Variants in ZZEF1 observed in about 807,000 individuals in gnomAD.
The protein encoded by ZZEF1 is zinc finger ZZ-type and EF-hand domain-containing protein 1.
A neutral mutation model predicts 342.8 loss-of-function variants in ZZEF1; 157 were observed. The observed-to-expected ratio is 0.46, with a 90% CI of 0.40 to 0.52. ZZEF1 has a LOEUF of 0.52. ZZEF1 is among the 20% of genes least tolerant of loss of function. ZZEF1 has a pLI of 0.00. For missense variants in ZZEF1, 3,480 were observed against 3,725.6 expected (o/e 0.93, Z 1.72); for synonymous variants, 1,505 against 1,429.1 (o/e 1.05, Z -1.20).
intron 1 of ZZEF1, among the ~76,000 whole-genome samples, chr17:4,133,863 C>A (rs2058707816): frequency 6.6e-6 from 1 of 151,842 alleles, no homozygotes; most frequent in Non-Finnish European, 1.5e-5. Context: ...CTGGGACATG[C>A]TCAGCTAGTT....
In ZZEF1 at chr17:4,032,959, G is replaced by C; in HGVS notation, c.6628C>G (p.Arg2210Gly). 1 of 1,603,892 alleles carries C rather than the reference G, an allele frequency of 6.2e-7. No individual in the cohort carries two copies. Among genetic ancestry groups the C allele is most frequent in the South Asian group, 1.1e-5 (1 of 89,492 alleles). ...CACAGTGGGGCACTGTTGAGTGACC[G>C]CAGGATCTCTGCCATGGAGCACGCC... Reference protein sequence around the residue: ...DWACSMAEILRSLNSAPLWRD... With the variant: ...DWACSMAEILGSLNSAPLWRD... The change falls in exon 41 of 55, where the codon CGG (arginine) becomes GGG (glycine). Residue 2210 changes from arginine to glycine, a missense_variant. By Grantham distance (125) the Arg-to-Gly change is moderately radical. This residue lies in a region of ZZEF1 where 1,269 missense variants were observed against 1,342.4 expected (regional missense o/e 0.95). Transcript: ENST00000381638.
chr17:4,029,710 C>A (rs1022618260), intron 42 of ZZEF1, among the ~76,000 whole-genome samples: 1 of 151,674 alleles, frequency 6.6e-6, no homozygotes, highest in Admixed American at 6.6e-5. Flanking sequence ...CCTGTCTCTA[C>A]TAAAAATACA....
At chr17:4,044,120 T>C (rs750128104) in intron 38 of ZZEF1, 104 bp downstream of exon 38, 4 of 1,295,742 alleles carry the variant, frequency 3.1e-6, no homozygotes, top group Non-Finnish European at 4.3e-6. Flanking sequence ...CACGCACCCC[T>C]GGCGTCTAGC....
chr17:4,064,064 G>GT (rs1030104294), intron 29 of ZZEF1, among the ~76,000 whole-genome samples: 1 of 98,278 alleles, frequency 1.0e-5, no homozygotes, highest in African/African-American at 5.1e-5. Flanking sequence ...TGTAGATGGA[G>GT]GGGGGGGGGT....
rs1479122239 is a variant in ZZEF1 at position 4,095,963 on chromosome 17, A to G, written c.1781T>C (p.Ile594Thr). ...AAACACCAACCCACACTGGGCACCA[A>G]TGCCACCACGTCGAACCTGGAAACA... ...QIRIMVRRGGIGAQCGLVFAY... is the reference protein window; with the variant it reads ...QIRIMVRRGGTGAQCGLVFAY... The change falls in exon 11 of 55, where the codon ATT (isoleucine) becomes ACT (threonine). Residue 594 changes from isoleucine to threonine, a missense_variant. By Grantham distance (89) the Ile-to-Thr change is moderately conservative. Transcript: ENST00000381638. 6.2e-7 allele frequency: 1 copy of G among 1,611,558 alleles called. No individual in the cohort carries two copies.
chr17:4,007,916 C>T (rs1003569369), intron 54 of ZZEF1, among the ~76,000 whole-genome samples: 10 of 151,868 alleles, frequency 6.6e-5, no homozygotes, highest in African/African-American at 2.2e-4. Context: ...TGTCCACCCA[C>T]GGGTAACCCT....
Position 4,017,655 on chromosome 17 carries a change from T to G in ZZEF1, c.7717A>C (p.Ser2573Arg). ...VTQKLISSTE[S>R]ELQQSYAKQR... is the part of the protein sequence containing the mutation. The stretch of plus-strand genomic sequence containing the variant: ...TTGGCATAGCTCTGCTGCAGTTCGC[T>G]CTCTGTGCTGGAGATCAGCTTCTGG... The change falls in exon 48 of 55, where the codon AGC (serine) becomes CGC (arginine). Residue 2573 changes from serine (S) to arginine (R), a missense_variant. Physicochemically the swap from Ser to Arg is moderately radical, Grantham distance 110. Transcript: ENST00000381638. This position sits in a 1 kb window ranked among gnomAD's most constrained non-coding sequence, Gnocchi z 5.1. 1 of 1,614,088 alleles carries G rather than the reference T, an allele frequency of 6.2e-7. No individual in the cohort carries two copies. Among genetic ancestry groups the G allele is most frequent in the East Asian group, 2.2e-5 (1 of 44,884 alleles).
intron 37 of ZZEF1, 117 bp from the exon 38 acceptor site, chr17:4,044,491 A>G (rs373200889): frequency 1.2e-4 from 104 of 855,454 alleles, no homozygotes; most frequent in East Asian, 1.1e-3. Flanking sequence ...TTTGAATGCC[A>G]TTAGAAAATG....
chr17:4,067,464 A>G (rs2057422909), intron 26 of ZZEF1, among the ~76,000 whole-genome samples: 1 of 152,214 alleles, frequency 6.6e-6, no homozygotes, highest in Admixed American at 6.5e-5. Flanking sequence ...TCAAACTAAT[A>G]ATTTCTAAAA....
chr17:4,099,167 T>A (rs954588318), intron 9 of ZZEF1, among the ~76,000 whole-genome samples: 4 of 151,834 alleles, frequency 2.6e-5, no homozygotes, highest in South Asian at 2.1e-4. Context: ...AAAAAAAAAA[T>A]AAAACTTCTG....
At position 4,006,831 on chromosome 17, in the gene ZZEF1, A is replaced by G. The variant is rs62072392; in HGVS notation, c.*59T>C. 267,912 of 1,522,256 alleles carry G rather than the reference A, an allele frequency of 0.18. 24,744 individuals are homozygous for G. The highest frequency in any genetic ancestry group is 0.21 in the South Asian group (17,481 of 83,496). 94.3% of individuals were successfully genotyped at this position (1,522,256 alleles called of 1,614,324 possible). On this transcript the variant is annotated 3_prime_UTR_variant, in exon 55 of 55. Transcript: ENST00000381638. The stretch of plus-strand genomic sequence containing the variant: ...CAGGAGTTTTCCTGAATGAGGTTAG[A>G]TGTCTGCTCTAAAATCCCTGTGGCA...
intron 44 of ZZEF1, among the ~76,000 whole-genome samples, chr17:4,022,187 A>G (rs1323641511): frequency 6.6e-6 from 1 of 152,172 alleles, no homozygotes; most frequent in Non-Finnish European, 1.5e-5. Flanking sequence ...CTGGGCCTGA[A>G]TGGCCGCTCA....
intron 1 of ZZEF1, among the ~76,000 whole-genome samples, chr17:4,141,455 A>G (rs953744986): frequency 2.6e-5 from 4 of 152,202 alleles, no homozygotes; most frequent in African/African-American, 7.2e-5. Flanking sequence ...TTTTCACAAA[A>G]TAAGTACCTT....
rs376657023 is a variant in ZZEF1 at position 4,039,737 on chromosome 17, G to A, written c.6306+2692C>T. ...CGGCTCACTGCAACCTCCGCCTCCC[G>A]GGTTCACGCCATTCTCCTGCCTCAG... is the stretch of plus-strand genomic sequence containing the variant. On this transcript the variant is annotated intron_variant, in intron 39 of 54. Transcript: ENST00000381638. Among the ~76,000 whole-genome samples, 74 of 144,174 alleles carry A rather than the reference G, an allele frequency of 5.1e-4. No homozygotes were observed. In the South Asian group the frequency reaches 9.7e-3, roughly 19 times the overall value. The allele number at this position is 144,174 out of a possible 152,430, so 94.6% of individuals were successfully genotyped here. A position where few individuals can be genotyped will look rare whatever the true frequency, so the allele number is the denominator to read the frequency against.
intron 9 of ZZEF1, among the ~76,000 whole-genome samples, chr17:4,098,035 C>T (rs905021056): frequency 1.1e-4 from 16 of 151,104 alleles, no homozygotes; most frequent in African/African-American, 3.4e-4. Context: ...GTCAGGAGTT[C>T]GAGACGAGCC....
In ZZEF1 at chr17:4,019,742, G is replaced by A. The variant is rs1393565860; in HGVS notation, c.7432C>T (p.Leu2478=). 3 of 1,610,590 alleles carry A rather than the reference G, an allele frequency of 1.9e-6. No homozygotes were observed. Among genetic ancestry groups the A allele is most frequent in the Non-Finnish European group, 2.5e-6 (3 of 1,179,186 alleles). The change falls in exon 46 of 55, where the codon CTG becomes TTG. Residue 2478 remains leucine (L), a synonymous_variant. Transcript: ENST00000381638. ...LMAHDALNAP[L]HILRAIYELQ... ...TCGTATATGGCCCGGAGAATGTGCAGAGGGGCATTGAGGGCATCATGAGCC... is the reference window on the plus strand; with the variant it reads ...TCGTATATGGCCCGGAGAATGTGCAAAGGGGCATTGAGGGCATCATGAGCC...
chr17:4,105,718 C>G lies in ZZEF1; in HGVS notation c.1369G>C (p.Asp457His). Residue 457 changes from aspartate to histidine, a missense_variant, in exon 7 of 55, where the codon GAC becomes CAC. Around this residue, in one of 5 missense-constraint regions of ZZEF1, gnomAD observed 1,528 missense variants for 1,624.1 expected, o/e 0.94. Transcript: ENST00000381638. ...FLSPNVLEEV[D>H]SFLIRITSCC... ...CTAGTTATCCTTATGAGGAAACTGT[C>G]CACTTCTTCCAGCACATTAGGGGAG... The G allele has an allele frequency of 6.2e-7, 1 of 1,613,318 alleles. No homozygotes were observed. Among genetic ancestry groups the G allele is most frequent in the Non-Finnish European group, 8.5e-7 (1 of 1,179,648 alleles).
chr17:4,017,564 A>G lies in ZZEF1; in HGVS notation c.7808T>C (p.Val2603Ala), dbSNP rs774108699. ...GTTCACTCGGAAGAGGTAGTCCCGGACAGCCCTCTTACTCTTGCAGTTCAG... is the reference window on the plus strand; with the variant it reads ...GTTCACTCGGAAGAGGTAGTCCCGGGCAGCCCTCTTACTCTTGCAGTTCAG... ...KELNCKSKRA[V>A]RDYLFRVNEA... The change falls in exon 48 of 55, where the codon GTC becomes GCC. Residue 2603 changes from valine (V) to alanine (A), a missense_variant. By Grantham distance (64) the Val-to-Ala change is moderately conservative (BLOSUM62 0). Transcript: ENST00000381638. This position sits in a 1 kb window ranked among gnomAD's most constrained non-coding sequence, Gnocchi z 5.1. 2.5e-6 allele frequency: 4 copies of G among 1,614,244 alleles called. No individual in the cohort carries two copies. The highest frequency in any genetic ancestry group is 3.4e-6 in the Non-Finnish European group (4 of 1,180,034).
chr17:4,024,013 C>T (rs919562005), intron 43 of ZZEF1, among the ~76,000 whole-genome samples: 2 of 152,012 alleles, frequency 1.3e-5, no homozygotes, highest in African/African-American at 4.8e-5. Flanking sequence ...GTGCTTCCAC[C>T]GAACAGCCTT....
Sources: allele counts gnomAD v4.1 joint callset (sites outside exome capture counted in the v4.1 genomes callset), GRCh38; gene constraint gnomAD v4.1.1; regional missense constraint gnomAD v4.1.1; non-coding constraint Gnocchi (gnomAD v3.1); transcripts MANE v1.5; gene names NCBI Gene and HGNC (gene_info 2026-07-23, HGNC 2026-07-21).